Variants in GPA33 observed in about 807,000 individuals in gnomAD.
GPA33 encodes glycoprotein A33, also known as cell surface A33 antigen.
A neutral mutation model predicts 35.6 loss-of-function variants in GPA33; 27 were observed. The observed-to-expected ratio is 0.76, with a 90% CI of 0.56 to 1.04. The LOEUF (loss-of-function observed/expected upper bound fraction) is 1.04. GPA33 is among the 50% of genes least tolerant of loss of function. GPA33 has a pLI of 0.00. For synonymous variants in GPA33, 176 were observed against 164.0 expected, an observed-to-expected ratio of 1.07 and a Z score of -0.56; for missense variants, 428 against 411.9, an observed-to-expected ratio of 1.04 and a Z score of -0.34.
intron 1 of GPA33, among the ~76,000 whole-genome samples, chr1:167,081,604 T>G (rs1243852028): frequency 6.6e-6 from 1 of 152,228 alleles, no homozygotes; most frequent in Non-Finnish European, 1.5e-5. Context: ...CCTAGTTTAG[T>G]GCAAGGCACC....
chr1:167,055,927 C>T (rs951002946), intron 4 of GPA33, 78 bp from the exon 5 acceptor site: 5 of 1,475,966 alleles, frequency 3.4e-6, no homozygotes, highest in Non-Finnish European at 4.7e-6. Flanking sequence ...GGTCTGGACT[C>T]CTTGGGAAGC....
intron 1 of GPA33, chr1:167,082,262 G>T: frequency 4.4e-6 from 2 of 456,264 alleles, no homozygotes; most frequent in Non-Finnish European, 4.4e-6. Context: ...TTCTGAGATC[G>T]TGGGGCAATC....
chr1:167,067,464 T>G (rs1666625964), intron 3 of GPA33, among the ~76,000 whole-genome samples: 1 of 152,130 alleles, frequency 6.6e-6, no homozygotes, highest in African/African-American at 2.4e-5. Context: ...CAGATTAAAT[T>G]TGTATCCTTC....
chr1:167,080,928 G>T (rs1666933119), intron 1 of GPA33, among the ~76,000 whole-genome samples: 1 of 152,158 alleles, frequency 6.6e-6, no homozygotes, highest in Non-Finnish European at 1.5e-5. Flanking sequence ...GAAACTTGGT[G>T]GAAGAACCTA....
At chr1:167,056,828 G>GTGTGTGA (rs2102168241) in intron 4 of GPA33, among the ~76,000 whole-genome samples, 3 of 7,396 alleles carry the variant, frequency 4.1e-4, no homozygotes, top group African/African-American at 4.4e-4. Context: ...AGCGTTTGTA[G>GTGTGTGA]TGTGTGTGGT....
chr1:167,082,618 G>A (rs1055326325), intron 1 of GPA33, among the ~76,000 whole-genome samples: 57 of 152,198 alleles, frequency 3.7e-4, no homozygotes, highest in African/African-American at 1.0e-3. Flanking sequence ...GAGGGGAAGG[G>A]CCAGGGCACA....
chr1:167,088,980 G>A (rs1000734669), intron 1 of GPA33, among the ~76,000 whole-genome samples: 4 of 152,152 alleles, frequency 2.6e-5, no homozygotes, highest in African/African-American at 9.7e-5. Context: ...CACTTCTATG[G>A]CACCTGCACA....
intron 1 of GPA33, among the ~76,000 whole-genome samples, chr1:167,084,682 A>G (rs1286140609): frequency 1.3e-5 from 2 of 152,188 alleles, no homozygotes; most frequent in East Asian, 3.9e-4. Context: ...GAATTAGACT[A>G]TATACCAGCT....
At chr1:167,062,635 T>C (rs201100521) in intron 4 of GPA33, among the ~76,000 whole-genome samples, 532 of 144,274 alleles carry the variant, frequency 3.7e-3, no homozygotes, top group South Asian at 9.7e-3. Flanking sequence ...AGGATTTTTA[T>C]ATAGCTCTTT....
chr1:167,054,906 G>T (rs1472387270), intron 6 of GPA33, 70 bp downstream of exon 6: 1 of 1,551,558 alleles, frequency 6.4e-7, no homozygotes, highest in African/African-American at 1.4e-5. Flanking sequence ...AGAAGAGGCT[G>T]TGAGGAATTG....
Position 167,069,031 on chromosome 1 carries a change from G to T in GPA33, c.306C>A (p.Ile102=), listed in dbSNP as rs748056200. ...CAGCCATGGTCAGCTGATCAATGGT[G>T]ATGGAGGCATCGGACTGCTCAGCAT... The part of the protein sequence containing the change: ...SNNAEQSDAS[I]TIDQLTMADN... Residue 102 remains isoleucine, a synonymous_variant, in exon 3 of 7, where the codon ATC becomes ATA. Transcript: ENST00000367868. 1.2e-5 allele frequency: 19 copies of T among 1,613,700 alleles called. No homozygotes were observed. The Middle Eastern group carries it at 5.0e-4, about 42-fold the overall frequency.
chr1:167,078,344 G>T (rs761749485), intron 1 of GPA33, among the ~76,000 whole-genome samples: 3 of 152,122 alleles, frequency 2.0e-5, no homozygotes, highest in Non-Finnish European at 4.4e-5. Flanking sequence ...TTAACCAAAT[G>T]CTAAGTACAG....
In GPA33 at chr1:167,053,375, G is replaced by GATC. The variant is rs1666156725; in HGVS notation, c.*956_*958dup. On this transcript the variant is annotated 3_prime_UTR_variant, in exon 7 of 7. Coordinates refer to ENST00000367868, the MANE Select transcript of GPA33 (RefSeq NM_005814.3). Reference sequence around the variant, plus strand: ...GGGTGGGAATCATCCCTGTGTCTACGATCATCTCAAGGAGACCAGAGAAGG... The same window carrying GATC: ...GGGTGGGAATCATCCCTGTGTCTACGATCATCATCTCAAGGAGACCAGAGAAGG... 1 of 152,236 alleles carries GATC rather than the reference G, an allele frequency of 6.6e-6. No homozygotes were observed. The highest frequency in any genetic ancestry group is 2.4e-5 in the African/African-American group (1 of 41,454). The allele number at this position is 152,236 out of a possible 1,614,324, so 9.4% of individuals were successfully genotyped here.
intron 4 of GPA33, among the ~76,000 whole-genome samples, chr1:167,062,759 A>G (rs923849999): frequency 2.8e-5 from 4 of 143,820 alleles, no homozygotes; most frequent in Non-Finnish European, 6.0e-5. Flanking sequence ...GCCTCCCCTA[A>G]GAAGGTGGGA....
Position 167,080,532 on chromosome 1 carries a change from A to T in GPA33, c.44-6993T>A, listed in dbSNP as rs139643383. Among the ~76,000 whole-genome samples the T allele has an allele frequency of 4.9e-3, 740 of 152,350 alleles. 8 individuals are homozygous for T. Among genetic ancestry groups the T allele is most frequent in the African/African-American group, 0.017 (711 of 41,570 alleles). On this transcript the variant is annotated intron_variant, in intron 1 of 6. Transcript: ENST00000367868. ...ATACAGCAGCATGGCCAAGAGCACA[A>T]ACATTGCAGCCAAACTATCCGGGTT...
At chr1:167,057,616 G>A (rs985275504) in intron 4 of GPA33, among the ~76,000 whole-genome samples, 4 of 152,118 alleles carry the variant, frequency 2.6e-5, no homozygotes, top group African/African-American at 9.7e-5. Flanking sequence ...TTGGTGCTAG[G>A]GGCAAAACCA....
intron 1 of GPA33, among the ~76,000 whole-genome samples, chr1:167,083,195 C>A (rs1035975302): frequency 6.6e-6 from 1 of 152,226 alleles, no homozygotes; most frequent in African/African-American, 2.4e-5. Context: ...CACTAAGTGA[C>A]TTTCTCTAAG....
In GPA33 at chr1:167,053,053, GCCTGAGCTCTCA is replaced by G. The variant is rs1275724317; in HGVS notation, c.*1269_*1280del. The stretch of plus-strand genomic sequence containing the variant: ...ATGAGACCTAAGCAGCCCTAACGCT[GCCTGAGCTCTCA>G]AGAGTAGAAGAAATGCTCGACAAAC... On this transcript the variant is annotated 3_prime_UTR_variant, in exon 7 of 7. Coordinates refer to ENST00000367868, the MANE Select transcript of GPA33 (RefSeq NM_005814.3). The G allele has an allele frequency of 3.9e-5, 6 of 152,308 alleles. No individual in the cohort carries two copies. Among genetic ancestry groups the G allele is most frequent in the Admixed American group, 3.3e-4 (5 of 15,304 alleles). The allele number at this position is 152,308 out of a possible 1,614,324, so 9.4% of individuals were successfully genotyped here. A position where few individuals can be genotyped will look rare whatever the true frequency, so the allele number is the denominator to read the frequency against.
At chr1:167,073,808 T>C (rs1231858480) in intron 1 of GPA33, among the ~76,000 whole-genome samples, 1 of 152,184 alleles carries the variant, frequency 6.6e-6, no homozygotes, top group East Asian at 1.9e-4. Flanking sequence ...TCTTACCAGC[T>C]GTGTCAACTT....
Sources: allele counts gnomAD v4.1 joint callset (sites outside exome capture counted in the v4.1 genomes callset), GRCh38; gene constraint gnomAD v4.1.1; transcripts MANE v1.5; gene names NCBI Gene and HGNC (gene_info 2026-07-23, HGNC 2026-07-21).